UMOD: variants seen among roughly 807,000 people sequenced by gnomAD.
UMOD encodes the protein Tamm-Horsfall urinary glycoprotein.
A neutral mutation model predicts 66.0 loss-of-function variants in UMOD; 64 were observed. That is an observed-to-expected ratio of 0.97 (90% CI 0.79 to 1.19). UMOD has a LOEUF of 1.19. Ranked by LOEUF, UMOD falls within the 50% of genes most tolerant of loss-of-function variation. The probability of loss-of-function intolerance (pLI) is 0.00; values close to 1 mark genes in which losing one functional copy is unlikely to be tolerated. For synonymous variants in UMOD, 398 were observed against 352.7 expected, an observed-to-expected ratio of 1.13 and a Z score of -1.44; for missense variants, 764 against 850.9, an observed-to-expected ratio of 0.90 and a Z score of 1.27.
chr16:20,339,851 G>A (rs986977811), intron 7 of UMOD, among the ~76,000 whole-genome samples: 1 of 152,178 alleles, frequency 6.6e-6, no homozygotes, highest in African/African-American at 2.4e-5. Context: ...CCGACACACA[G>A]CAAGCTTCCA....
rs777712093 is a variant in UMOD at position 20,344,140 on chromosome 16, G to A, written c.1215C>T (p.Thr405=). 2 of 1,613,650 alleles carry A rather than the reference G, an allele frequency of 1.2e-6. No homozygotes were observed. The highest frequency in any genetic ancestry group is 1.3e-5 in the African/African-American group (1 of 74,844). The change falls in exon 6 of 11, where the codon ACC becomes ACT. Residue 405 remains threonine, a synonymous_variant. Coordinates refer to ENST00000396138, the MANE Select transcript of UMOD (RefSeq NM_003361.4). ...RNETHATYSN[T]LYLADEIIIR... Reference sequence around the variant, plus strand: ...TGATGATCTCATCTGCCAGGTAGAGGGTGTTGCTGTAAGTGGCATGGGTTT... The same window carrying A: ...TGATGATCTCATCTGCCAGGTAGAGAGTGTTGCTGTAAGTGGCATGGGTTT...
chr16:20,346,385 C>A (rs1180739401), intron 4 of UMOD, 51 bp from the exon 5 acceptor site: 1 of 1,595,104 alleles, frequency 6.3e-7, no homozygotes, highest in South Asian at 1.1e-5. Context: ...CTTGGGGGCC[C>A]AGCACATCCC....
intron 7 of UMOD, among the ~76,000 whole-genome samples, chr16:20,338,535 C>T (rs1378098798): frequency 6.6e-6 from 1 of 152,168 alleles, no homozygotes; most frequent in Non-Finnish European, 1.5e-5. Context: ...TGCTCTGCCA[C>T]CCAGGCTGGA....
At position 20,344,083 on chromosome 16, in the gene UMOD, T is replaced by C; in HGVS notation, c.1272A>G (p.Ala424=). ...CTTTCATGTCCAGGGGGTAGGAGCA[T>C]GCAAAGTTGATTTTGATGTTGAGGT... is the stretch of plus-strand genomic sequence containing the variant. The part of the protein sequence containing the change: ...IRDLNIKINF[A]CSYPLDMKVS... Residue 424 remains alanine (A), a synonymous_variant, in exon 6 of 11, where the codon GCA becomes GCG. Coordinates refer to ENST00000396138, the MANE Select transcript of UMOD (RefSeq NM_003361.4). The C allele has an allele frequency of 1.9e-6, 3 of 1,613,518 alleles. No homozygotes were observed. The highest frequency in any genetic ancestry group is 1.7e-6 in the Non-Finnish European group (2 of 1,179,964).
chr16:20,340,470 G>GTA (rs1010640212), intron 7 of UMOD, among the ~76,000 whole-genome samples: 61 of 110,258 alleles, frequency 5.5e-4, no homozygotes, highest in Middle Eastern at 4.0e-3. Flanking sequence ...ATGTGTGTGT[G>GTA]TGTATATATA....
rs111904030 is a variant in UMOD, at chr16:20,341,315, G to T, written c.1353C>A (p.Gly451=). The T allele has an allele frequency of 6.2e-7, 1 of 1,613,796 alleles. No homozygotes were observed. The highest frequency in any genetic ancestry group is 8.5e-7 in the Non-Finnish European group (1 of 1,180,008). ...PMVSALNIRV[G]GTGMFTVRMA... is the part of the protein sequence containing the mutation. ...TCCGCACGGTGAACATGCCGGTCCCGCCCACTCTGATGTTTAGAGCACTGC... is the reference window on the plus strand; with the variant it reads ...TCCGCACGGTGAACATGCCGGTCCCTCCCACTCTGATGTTTAGAGCACTGC... The change falls in exon 7 of 11, where the codon GGC becomes GGA. Residue 451 remains glycine, a synonymous_variant. Transcript: ENST00000396138.
At chr16:20,334,451 C>A (rs952674532) in intron 10 of UMOD, among the ~76,000 whole-genome samples, 2 of 152,110 alleles carry the variant, frequency 1.3e-5, no homozygotes, top group Non-Finnish European at 2.9e-5. Context: ...AATATGCATG[C>A]AGACAATTGC....
intron 7 of UMOD, among the ~76,000 whole-genome samples, chr16:20,340,742 C>T (rs541567206): frequency 6.6e-6 from 1 of 152,032 alleles, no homozygotes; most frequent in Non-Finnish European, 1.5e-5. Flanking sequence ...CACCTGTAAT[C>T]CCAGCACTTT....
At position 20,348,624 on chromosome 16, in the gene UMOD, G is replaced by T; in HGVS notation, c.677C>A (p.Ala226Asp). 3 of 1,582,420 alleles carry T rather than the reference G, an allele frequency of 1.9e-6. No homozygotes were observed. The highest frequency in any genetic ancestry group is 1.7e-6 in the Non-Finnish European group (2 of 1,169,180). The change falls in exon 3 of 11, where the codon GCC (alanine) becomes GAC (aspartate). Residue 226 changes from alanine (A) to aspartate (D), a missense_variant. Ala to Asp is a moderately radical substitution (Grantham distance 126). Transcript: ENST00000396138. ...CGTGCCATTGAGCCACATGGGGGCG[G>T]CCGTGTTGCAGCGCAGGACTGGCAC... ...TCVPVLRCNT[A>D]APMWLNGTHP...
At position 20,350,780 on chromosome 16, in the gene UMOD, C is replaced by A. The variant is rs1441947752; in HGVS notation, c.-43G>T. 1.9e-6 allele frequency: 3 copies of A among 1,613,554 alleles called. No homozygotes were observed. The highest frequency in any genetic ancestry group is 2.5e-6 in the Non-Finnish European group (3 of 1,179,802). Reference sequence around the variant, plus strand: ...CTACTTCAGGTCTAGATAGCACCTGCCCAAAGGAAAGACGGGTTGGCCCTT... The same window carrying A: ...CTACTTCAGGTCTAGATAGCACCTGACCAAAGGAAAGACGGGTTGGCCCTT... On this transcript the variant is annotated 5_prime_UTR_variant, in exon 2 of 11. Coordinates refer to ENST00000396138, the MANE Select transcript of UMOD (RefSeq NM_003361.4).
At chr16:20,341,710 AAAC>A (rs912739567) in intron 6 of UMOD, among the ~76,000 whole-genome samples, 2 of 152,280 alleles carry the variant, frequency 1.3e-5, no homozygotes, top group Non-Finnish European at 1.5e-5. Context: ...GATGGCAAAA[AAAC>A]AAATTATTGA....
In UMOD at chr16:20,341,171, A is replaced by G. The variant is rs779445567; in HGVS notation, c.1497T>C (p.Phe499=). Reference sequence around the variant, plus strand: ...CATAGCAGTTGGTCATGAGCAGTGCAAATCGGGACAGGTCGCCCCCATCCA... The same window carrying G: ...CATAGCAGTTGGTCATGAGCAGTGCGAATCGGGACAGGTCGCCCCCATCCA... ...TMLDGGDLSR[F]ALLMTNCYAT... is the part of the protein sequence containing the mutation. Residue 499 remains phenylalanine, a synonymous_variant, in exon 7 of 11, where the codon TTT becomes TTC. Coordinates refer to ENST00000396138, the MANE Select transcript of UMOD (RefSeq NM_003361.4). The G allele has an allele frequency of 1.2e-6, 2 of 1,614,052 alleles. No homozygotes were observed. The highest frequency in any genetic ancestry group is 1.7e-5 in the Admixed American group (1 of 59,996).
intron 5 of UMOD, among the ~76,000 whole-genome samples, chr16:20,345,442 C>CTCTTTCTTTCT (rs1555486848): frequency 0.074 from 3,052 of 41,284 alleles, 74 homozygotes; most frequent in African/African-American, 0.11. Context: ...TTCTTTCTTT[C>CTCTTTCTTTCT]TTCCTTTCTT....
chr16:20,334,596 A>G (rs891303670), intron 10 of UMOD, among the ~76,000 whole-genome samples: 3 of 152,098 alleles, frequency 2.0e-5, no homozygotes, highest in Admixed American at 6.6e-5. Flanking sequence ...CATATGTACT[A>G]TTGGGACACA....
chr16:20,340,900 A>C (rs1360978658), intron 7 of UMOD, among the ~76,000 whole-genome samples, 191 bp downstream of exon 7: 1 of 151,888 alleles, frequency 6.6e-6, no homozygotes, highest in Non-Finnish European at 1.5e-5. Flanking sequence ...AGGCTGAGGC[A>C]GAAGAATCAC....
chr16:20,339,397 G>A (rs778794552), intron 7 of UMOD, among the ~76,000 whole-genome samples: 3 of 152,038 alleles, frequency 2.0e-5, no homozygotes, highest in Non-Finnish European at 4.4e-5. Context: ...GAATCTTTAG[G>A]TCATGAATTC....
At chr16:20,336,873 A>C (rs1417178526) in intron 8 of UMOD, 146 bp from the exon 9 acceptor site, 2 of 700,254 alleles carry the variant, frequency 2.9e-6, no homozygotes, top group African/African-American at 3.5e-5. Context: ...GGGCTCGTGC[A>C]GGTCCCAGCT....
In UMOD at chr16:20,348,977, G is replaced by T; in HGVS notation, c.324C>A (p.Asp108Glu). The T allele has an allele frequency of 1.3e-6, 2 of 1,574,374 alleles. No homozygotes were observed. The highest frequency in any genetic ancestry group is 2.7e-5 in the African/African-American group (2 of 74,182). The change falls in exon 3 of 11, where the codon GAC becomes GAA. Residue 108 changes from aspartate to glutamate, a missense_variant. Asp to Glu is a conservative substitution (Grantham distance 45, BLOSUM62 2). Transcript: ENST00000396138. ...FRLSPGLGCT[D>E]VDECAEPGLS... ...GCCCAGGCTCAGCGCACTCATCCAC[G>T]TCTGTGCAGCCGAGACCGGGCGACA...
intron 7 of UMOD, among the ~76,000 whole-genome samples, chr16:20,340,488 ATATAT>A (rs1567302473): frequency 6.7e-6 from 1 of 149,574 alleles, no homozygotes; most frequent in African/African-American, 2.4e-5. Flanking sequence ...ATATATATAT[ATATAT>A]AATACATAAA....
Sources: allele counts gnomAD v4.1 joint callset (sites outside exome capture counted in the v4.1 genomes callset), GRCh38; gene constraint gnomAD v4.1.1; transcripts MANE v1.5; gene names NCBI Gene and HGNC (gene_info 2026-07-23, HGNC 2026-07-21).